Variants in EPB41L4A observed in about 807,000 individuals in gnomAD.
EPB41L4A encodes the protein erythrocyte membrane protein band 4.1 like 4A.
A neutral mutation model predicts 108.6 loss-of-function variants in EPB41L4A; 100 were observed. The ratio of observed to expected loss-of-function variants is 0.92; its 90% CI spans 0.78 to 1.09. The LOEUF (loss-of-function observed/expected upper bound fraction) is 1.09. Ranked by LOEUF, EPB41L4A falls within the 50% of genes least tolerant of loss-of-function variation. The pLI is 0.00. For missense variants in EPB41L4A, 1,030 were observed against 842.7 expected, an observed-to-expected ratio of 1.22 and a Z score of -2.75; for synonymous variants, 319 against 289.0, an observed-to-expected ratio of 1.10 and a Z score of -1.05.
At position 112,275,368 on chromosome 5, in the gene EPB41L4A, AAT is replaced by A; in HGVS notation, c.291_292del (p.Lys97AsnfsTer4). The A allele has an allele frequency of 6.4e-7, 1 of 1,556,276 alleles. No homozygotes were observed. The highest frequency in any genetic ancestry group is 2.3e-5 in the East Asian group (1 of 42,982). On this transcript the variant is annotated frameshift_variant, in exon 4 of 23. Transcript: ENST00000261486. LOFTEE classifies it high-confidence loss of function. ...AAGTTTACATGGATCTTCAGCATAG[AAT>A]TTAATACCAAAATACAAAGTATATG...
intron 9 of EPB41L4A, among the ~76,000 whole-genome samples, chr5:112,247,333 G>C (rs1163166730): frequency 6.6e-6 from 1 of 152,098 alleles, no homozygotes; most frequent in Non-Finnish European, 1.5e-5. Flanking sequence ...GTCTGCTTGT[G>C]ACTGCATTCT....
At chr5:112,246,795 T>C (rs1307853231) in intron 9 of EPB41L4A, among the ~76,000 whole-genome samples, 1 of 152,168 alleles carries the variant, frequency 6.6e-6, no homozygotes, top group Non-Finnish European at 1.5e-5. Flanking sequence ...AAAAAAAATG[T>C]AGATTCACTG....
rs7719346 is a variant in EPB41L4A, at chr5:112,194,587, A to G, written c.1483T>C (p.Tyr495His). The G allele has an allele frequency of 0.74, 1,172,946 of 1,593,080 alleles. 436,642 individuals carry two copies. Among genetic ancestry groups the G allele is most frequent in the East Asian group, 1 (44,276 of 44,346 alleles). Residue 495 changes from tyrosine (Y) to histidine (H), a missense_variant, in exon 17 of 23, where the codon TAC (tyrosine) becomes CAC (histidine). Coordinates refer to ENST00000261486, the MANE Select transcript of EPB41L4A (RefSeq NM_022140.5). ...GSESENSNRE[Y>H]RKKRNRIRQE... ...TATTACCTGTTTCTCTTTTTCCGGTATTCTCTATTAGAATTTTCTGATTCA... is the reference window on the plus strand; with the variant it reads ...TATTACCTGTTTCTCTTTTTCCGGTGTTCTCTATTAGAATTTTCTGATTCA...
At chr5:112,316,457 C>T (rs1401496465) in intron 1 of EPB41L4A, among the ~76,000 whole-genome samples, 1 of 152,132 alleles carries the variant, frequency 6.6e-6, no homozygotes, top group African/African-American at 2.4e-5. Context: ...ACGGAGGAGA[C>T]ATTCTTCAGG....
Position 112,164,918 on chromosome 5 carries a change from C to A in EPB41L4A, c.*72G>T. On this transcript the variant is annotated 3_prime_UTR_variant, in exon 23 of 23. Coordinates refer to ENST00000261486, the MANE Select transcript of EPB41L4A (RefSeq NM_022140.5). ...AGGTCTGAGATTTGAATTAAGATAC[C>A]TATTTCACAGTTTCAAAAGTACCAG... 1 of 1,383,728 alleles carries A rather than the reference C, an allele frequency of 7.2e-7. No homozygotes were observed. The allele number at this position is 1,383,728 out of a possible 1,614,324, so 85.7% of individuals were successfully genotyped here.
intron 1 of EPB41L4A, among the ~76,000 whole-genome samples, chr5:112,347,634 T>C (rs1757767959): frequency 6.6e-6 from 1 of 152,238 alleles, no homozygotes; most frequent in South Asian, 2.1e-4. Context: ...CAGAATTCTC[T>C]TCTTCCTCCC....
At chr5:112,271,679 T>C (rs1752269268) in intron 4 of EPB41L4A, among the ~76,000 whole-genome samples, 1 of 152,232 alleles carries the variant, frequency 6.6e-6, no homozygotes, top group Non-Finnish European at 1.5e-5. Flanking sequence ...ATGTCATGTT[T>C]TGAATCAGAA....
In EPB41L4A at chr5:112,308,322, G is replaced by T. The variant is rs531062222; in HGVS notation, c.100-832C>A. On this transcript the variant is annotated intron_variant, in intron 1 of 22. Transcript: ENST00000261486. ...ATTATGGTAATAAAGGAGGGCTTTTGTTCAGTTTCATCTTCCCTCAGAAAA... is the reference window on the plus strand; with the variant it reads ...ATTATGGTAATAAAGGAGGGCTTTTTTTCAGTTTCATCTTCCCTCAGAAAA... Among the ~76,000 whole-genome samples the T allele has an allele frequency of 2.0e-5, 3 of 152,144 alleles. No homozygotes were observed. The South Asian group carries it at 6.2e-4, about 32-fold the overall frequency.
rs147607022 is a variant in EPB41L4A at position 112,288,791 on chromosome 5, G to A, written c.205-8468C>T. ...ACTGTACTCAAGGGTTAAACTTCAG[G>A]GAAAATGTTCGAAGAGTCTGATTAG... On this transcript the variant is annotated intron_variant, in intron 2 of 22. Transcript: ENST00000261486. Among the ~76,000 whole-genome samples, 921 of 151,886 alleles carry A rather than the reference G, an allele frequency of 6.1e-3. 7 individuals are homozygous for A. The highest frequency in any genetic ancestry group is 0.014 in the Middle Eastern group (4 of 292).
At chr5:112,361,750 G>A (rs988707700) in intron 1 of EPB41L4A, among the ~76,000 whole-genome samples, 1 of 151,810 alleles carries the variant, frequency 6.6e-6, no homozygotes, top group African/African-American at 2.4e-5. Flanking sequence ...GACTGGGTGT[G>A]GTGGTGTGCA....
intron 1 of EPB41L4A, among the ~76,000 whole-genome samples, chr5:112,363,245 A>G (rs1478793191): frequency 6.6e-6 from 1 of 152,100 alleles, no homozygotes; most frequent in African/African-American, 2.4e-5. Context: ...TTATTCCTTT[A>G]TGTTCCCCAT....
intron 4 of EPB41L4A, 30 bp from the exon 5 acceptor site, chr5:112,266,360 G>T: frequency 6.9e-7 from 1 of 1,452,100 alleles, no homozygotes. Context: ...AGAGATTAAC[G>T]ATCTCTTACA....
At chr5:112,385,258 T>C (rs1010936162) in intron 1 of EPB41L4A, among the ~76,000 whole-genome samples, 11 of 152,086 alleles carry the variant, frequency 7.2e-5, no homozygotes, top group African/African-American at 1.2e-4. Flanking sequence ...GCTGTATCAA[T>C]TGGGGACCCG....
intron 9 of EPB41L4A, among the ~76,000 whole-genome samples, chr5:112,251,184 C>A (rs1580531119): frequency 6.6e-6 from 1 of 152,030 alleles, no homozygotes; most frequent in African/African-American, 2.4e-5. Context: ...TAGTTGGAGA[C>A]ACAAAATGGT....
chr5:112,154,888 G>C (rs1759596310), intron 12 of EPB41L4A, among the ~76,000 whole-genome samples: 1 of 152,058 alleles, frequency 6.6e-6, no homozygotes, highest in South Asian at 2.1e-4. Flanking sequence ...TGAAAGAAAA[G>C]CAGAGATTTC....
intron 15 of EPB41L4A, among the ~76,000 whole-genome samples, chr5:112,200,159 T>C (rs1762152701): frequency 6.6e-6 from 1 of 152,198 alleles, no homozygotes; most frequent in Non-Finnish European, 1.5e-5. Context: ...TTCATGAAGG[T>C]TTCCTGCTTC....
chr5:112,284,029 G>A (rs1753125499), intron 2 of EPB41L4A, among the ~76,000 whole-genome samples: 1 of 152,218 alleles, frequency 6.6e-6, no homozygotes, highest in Admixed American at 6.5e-5. Context: ...CTTAAAGCAA[G>A]TGAGTAAATT....
intron 17 of EPB41L4A, among the ~76,000 whole-genome samples, chr5:112,193,541 T>A (rs936312469): frequency 6.6e-6 from 1 of 152,224 alleles, no homozygotes; most frequent in Non-Finnish European, 1.5e-5. Flanking sequence ...CCTCAGGTGA[T>A]CTGCCTGCCT....
At chr5:112,413,142 C>T (rs1475743520) in intron 1 of EPB41L4A, among the ~76,000 whole-genome samples, 2 of 152,170 alleles carry the variant, frequency 1.3e-5, no homozygotes, top group African/African-American at 4.8e-5. Flanking sequence ...GAAATATGCT[C>T]TTCTTCGGAA....
Sources: gnomAD v4.1 joint callset for allele counts (sites outside exome capture counted in the v4.1 genomes callset) on GRCh38, gnomAD v4.1.1 for gene constraint, MANE v1.5 for transcripts, NCBI Gene and HGNC (gene_info 2026-07-23, HGNC 2026-07-21) for gene names.